SPDYA: variants seen among roughly 807,000 people sequenced by gnomAD.
SPDYA encodes speedy protein A.
A neutral mutation model predicts 36.7 loss-of-function variants in SPDYA; 11 were observed. That is an observed-to-expected ratio of 0.30 (90% confidence interval 0.19 to 0.50). The LOEUF (loss-of-function observed/expected upper bound fraction) is 0.50, where lower values mean the gene tolerates loss of function less well. SPDYA is among the 20% of genes least tolerant of loss of function. The pLI, the probability that SPDYA is intolerant of heterozygous loss-of-function variation, is 0.98. For missense variants in SPDYA, 287 were observed against 370.9 expected (o/e 0.77, Z 1.86); for synonymous variants, 115 against 118.7 (o/e 0.97, Z 0.20).
At chr2:28,827,463 G>A (rs1430621601) in intron 5 of SPDYA, among the ~76,000 whole-genome samples, 3 of 151,996 alleles carry the variant, frequency 2.0e-5, no homozygotes, top group African/African-American at 4.8e-5. Context: ...TTCTGTGTCT[G>A]TTCCATTACT....
chr2:28,829,402 G>A, intron 6 of SPDYA, 83 bp downstream of exon 6: 3 of 1,319,846 alleles, frequency 2.3e-6, no homozygotes, highest in South Asian at 1.4e-5. Flanking sequence ...TGCTTCTAAT[G>A]TTTTGGTATT....
intron 7 of SPDYA, chr2:28,840,761 A>G: frequency 9.3e-7 from 1 of 1,080,348 alleles, no homozygotes. Context: ...TATTTTATTC[A>G]AAAGGGTTTC....
At chr2:28,826,611 C>CTCTTTTT (rs1553315436) in intron 5 of SPDYA, among the ~76,000 whole-genome samples, 7 of 75,348 alleles carry the variant, frequency 9.3e-5, no homozygotes, top group African/African-American at 4.2e-4. Flanking sequence ...TTCTTTCTCT[C>CTCTTTTT]TTTTTTTTTT....
intron 5 of SPDYA, among the ~76,000 whole-genome samples, chr2:28,824,498 A>C (rs866376033): frequency 4.2e-4 from 63 of 149,934 alleles, no homozygotes; most frequent in African/African-American, 1.4e-3. Flanking sequence ...AAAACAAAAA[A>C]AAAAAACAGG....
intron 2 of SPDYA, among the ~76,000 whole-genome samples, chr2:28,815,685 A>C (rs1330209845): frequency 6.6e-6 from 1 of 152,204 alleles, no homozygotes; most frequent in Non-Finnish European, 1.5e-5. Context: ...GAAGACTACA[A>C]ATAAATTATG....
intron 5 of SPDYA, among the ~76,000 whole-genome samples, chr2:28,827,523 G>A (rs1178929145): frequency 6.6e-6 from 1 of 151,976 alleles, no homozygotes; most frequent in Non-Finnish European, 1.5e-5. Context: ...TCCCTTATGT[G>A]TTTTGTAATA....
chr2:28,821,172 G>T (rs371418923), intron 4 of SPDYA, among the ~76,000 whole-genome samples: 2 of 145,768 alleles, frequency 1.4e-5, no homozygotes, highest in Admixed American at 6.8e-5. Context: ...GTGGAGTTAT[G>T]ATGTGATTTT....
chr2:28,824,797 C>T (rs1193702655), intron 5 of SPDYA, among the ~76,000 whole-genome samples: 1 of 152,050 alleles, frequency 6.6e-6, no homozygotes, highest in East Asian at 1.9e-4. Flanking sequence ...GATACACCTG[C>T]TTCGGCCTCC....
chr2:28,826,362 CCTGACCT>C (rs1330721825), intron 5 of SPDYA, among the ~76,000 whole-genome samples: 7 of 152,100 alleles, frequency 4.6e-5, no homozygotes, highest in African/African-American at 1.7e-4. Context: ...GCCTCAAACT[CCTGACCT>C]CAGGTAATCC....
intron 7 of SPDYA, among the ~76,000 whole-genome samples, chr2:28,845,596 G>A (rs1038532966): frequency 1.3e-5 from 2 of 152,152 alleles, no homozygotes; most frequent in African/African-American, 2.4e-5. Context: ...CCAGGCTGGA[G>A]TGCAATGGTG....
intron 5 of SPDYA, among the ~76,000 whole-genome samples, chr2:28,826,880 G>T (rs563207731): frequency 4.0e-5 from 6 of 150,114 alleles, no homozygotes; most frequent in Non-Finnish European, 7.4e-5. Flanking sequence ...GCCTTCTAAA[G>T]TGTTGGGATT....
chr2:28,850,132 A>C lies in SPDYA; in HGVS notation c.*191A>C. On this transcript the variant is annotated 3_prime_UTR_variant, in exon 8 of 8. Coordinates refer to ENST00000334056, the MANE Select transcript of SPDYA (RefSeq NM_182756.4). Reference sequence around the variant, plus strand: ...AAAATGCCAATCTATGGAAGCAGTGATTTTCAATATAAAGTTCTATTTTGA... The same window carrying C: ...AAAATGCCAATCTATGGAAGCAGTGCTTTTCAATATAAAGTTCTATTTTGA... 1 of 1,443,436 alleles carries C rather than the reference A, an allele frequency of 6.9e-7. No individual in the cohort carries two copies. The highest frequency in any genetic ancestry group is 1.2e-5 in the South Asian group (1 of 82,626). The allele number at this position is 1,443,436 out of a possible 1,614,324, so 89.4% of individuals were successfully genotyped here.
At chr2:28,842,963 T>C (rs1668783705) in intron 7 of SPDYA, among the ~76,000 whole-genome samples, 1 of 149,650 alleles carries the variant, frequency 6.7e-6, no homozygotes, top group Non-Finnish European at 1.5e-5. Context: ...TGATAGTATG[T>C]GGTTGCAAAA....
At chr2:28,836,481 C>T (rs138352023) in intron 6 of SPDYA, among the ~76,000 whole-genome samples, 2 of 152,276 alleles carry the variant, frequency 1.3e-5, no homozygotes, top group African/African-American at 4.8e-5. Flanking sequence ...ACACCACTGA[C>T]ATAAGAAAGA....
At chr2:28,816,538 A>G (rs1667987171) in intron 3 of SPDYA, among the ~76,000 whole-genome samples, 1 of 152,162 alleles carries the variant, frequency 6.6e-6, no homozygotes, top group Non-Finnish European at 1.5e-5. Context: ...AGCCCATGGC[A>G]TGAGTTTTAT....
rs757531391 is a variant in SPDYA, at chr2:28,840,169, T to C, written c.553-3T>C. 9.9e-5 allele frequency: 160 copies of C among 1,609,870 alleles called. No homozygotes were observed. The highest frequency in any genetic ancestry group is 1.3e-4 in the Non-Finnish European group (151 of 1,178,996). On this transcript the variant is annotated splice_polypyrimidine_tract_variant and splice_region_variant and intron_variant, in intron 6 of 7. Transcript: ENST00000334056. ...AATTCTAAAAGTTAGCTTTCTATTA[T>C]AGGTTATGGCCATTGCACCAACCCA...
chr2:28,850,168 T>C lies in SPDYA; in HGVS notation c.*227T>C. 1 of 1,589,432 alleles carries C rather than the reference T, an allele frequency of 6.3e-7. No individual in the cohort carries two copies. The highest frequency in any genetic ancestry group is 8.6e-7 in the Non-Finnish European group (1 of 1,166,148). ...AAAGTTCTATTTTGATATTTTTCCA[T>C]CTTCAAGTCAGTTACTGTCATCTGG... On this transcript the variant is annotated 3_prime_UTR_variant, in exon 8 of 8. Transcript: ENST00000334056.
chr2:28,817,302 C>T (rs1288380572), intron 3 of SPDYA, among the ~76,000 whole-genome samples: 2 of 152,214 alleles, frequency 1.3e-5, no homozygotes, highest in Non-Finnish European at 2.9e-5. Context: ...TGGCTCACGC[C>T]TGTAATCCCA....
At chr2:28,834,129 CA>C (rs900492688) in intron 6 of SPDYA, among the ~76,000 whole-genome samples, 4 of 149,918 alleles carry the variant, frequency 2.7e-5, no homozygotes, top group Non-Finnish European at 5.9e-5. Flanking sequence ...AAAAGATGTT[CA>C]ACATCATTAG....
Sources: gnomAD v4.1 joint callset for allele counts (sites outside exome capture counted in the v4.1 genomes callset) on GRCh38, gnomAD v4.1.1 for gene constraint, MANE v1.5 for transcripts, NCBI Gene and HGNC (gene_info 2026-07-23, HGNC 2026-07-21) for gene names.